BAZ1A: variants seen among roughly 807,000 people sequenced by gnomAD.
The protein encoded by BAZ1A is bromodomain adjacent to zinc finger domain 1A.
A neutral mutation model predicts 185.2 loss-of-function variants in BAZ1A; 50 were observed. The ratio of observed to expected loss-of-function variants is 0.27; its 90% CI spans 0.22 to 0.34. The LOEUF (loss-of-function observed/expected upper bound fraction) is 0.34. Among genes scored for constraint, BAZ1A ranks in the 10% least tolerant of loss-of-function variants. The pLI, the probability that BAZ1A is intolerant of heterozygous loss-of-function variation, is 1.00. For missense variants in BAZ1A, 1,356 were observed against 1,839.9 expected, an observed-to-expected ratio of 0.74 and a Z score of 4.81; for synonymous variants, 571 against 615.6, an observed-to-expected ratio of 0.93 and a Z score of 1.07.
chr14:34,831,738 C>G (rs192708520), intron 3 of BAZ1A, among the ~76,000 whole-genome samples: 1 of 152,202 alleles, frequency 6.6e-6, no homozygotes. Context: ...ACTCATTTCC[C>G]CTCACTAAGA....
intron 4 of BAZ1A, 24 bp downstream of exon 4, chr14:34,825,989 T>G: frequency 1.3e-6 from 2 of 1,505,850 alleles, no homozygotes. Context: ...CCAAATAATT[T>G]AAAAATTAAT....
At position 34,775,300 on chromosome 14, in the gene BAZ1A, TTC is replaced by T. The variant is rs139960279; in HGVS notation, c.2833+617_2833+618del. ...GTAACATGCCCCTAAATTTAAGCAA[TTC>T]TTTTTAAAATTTTGATTTAATTTAA... On this transcript the variant is annotated intron_variant, in intron 18 of 26. Transcript: ENST00000360310. Among the ~76,000 whole-genome samples the T allele has an allele frequency of 5.6e-3, 859 of 152,288 alleles. 9 individuals carry two copies. The highest frequency in any genetic ancestry group is 0.02 in the African/African-American group (814 of 41,564).
At chr14:34,784,581 G>A (rs1209296721) in intron 14 of BAZ1A, among the ~76,000 whole-genome samples, 42 of 147,518 alleles carry the variant, frequency 2.8e-4, no homozygotes, top group South Asian at 4.4e-4. Context: ...GCAGTGGCGC[G>A]ATCTCGGCTC....
At chr14:34,847,015 C>T (rs1222679652) in intron 3 of BAZ1A, among the ~76,000 whole-genome samples, 2 of 152,172 alleles carry the variant, frequency 1.3e-5, no homozygotes, top group Admixed American at 1.3e-4. Flanking sequence ...CTTTGGGAGG[C>T]TGAAGTGGGT....
At chr14:34,859,811 A>G (rs918332439) in intron 3 of BAZ1A, among the ~76,000 whole-genome samples, 1 of 152,226 alleles carries the variant, frequency 6.6e-6, no homozygotes, top group Non-Finnish European at 1.5e-5. Flanking sequence ...CCTTAAGGAT[A>G]TATTAGTAAA....
chr14:34,864,766 A>G (rs1468968843), intron 2 of BAZ1A, among the ~76,000 whole-genome samples: 2 of 141,478 alleles, frequency 1.4e-5, no homozygotes, highest in African/African-American at 5.3e-5. Flanking sequence ...CACCGCACAC[A>G]GCGCAATAAA....
chr14:34,770,141 T>C (rs1399164965), intron 21 of BAZ1A, among the ~76,000 whole-genome samples: 1 of 152,174 alleles, frequency 6.6e-6, no homozygotes, highest in Admixed American at 6.6e-5. Context: ...AATAATGAGA[T>C]ATCAAAAAAT....
intron 16 of BAZ1A, among the ~76,000 whole-genome samples, chr14:34,780,569 A>C (rs1879970511): frequency 6.6e-6 from 1 of 152,212 alleles, no homozygotes. Flanking sequence ...GGGATCAAAA[A>C]GGCTGGCTTG....
At chr14:34,773,509 AAAAAAAAAAACCTT>A in intron 20 of BAZ1A, 49 bp downstream of exon 20, 1 of 1,460,616 alleles carries the variant, frequency 6.8e-7, no homozygotes, top group Non-Finnish European at 9.1e-7. Flanking sequence ...AAACCAAAAA[AAAAAAAAAAACCTT>A]AAAATGGCAA....
At chr14:34,818,645 A>G (rs961988139) in intron 4 of BAZ1A, among the ~76,000 whole-genome samples, 2 of 152,170 alleles carry the variant, frequency 1.3e-5, no homozygotes, top group South Asian at 2.1e-4. Context: ...TAAATAATTC[A>G]TAAGTTTTAA....
intron 3 of BAZ1A, among the ~76,000 whole-genome samples, chr14:34,857,935 C>T (rs1300759323): frequency 3.3e-5 from 5 of 152,186 alleles, no homozygotes; most frequent in Admixed American, 6.5e-5. Flanking sequence ...TCACTCTCTA[C>T]CATACCACTG....
intron 12 of BAZ1A, among the ~76,000 whole-genome samples, chr14:34,787,363 A>AAAAAAAAATAAAAG: frequency 8.9e-6 from 1 of 112,822 alleles, no homozygotes; most frequent in African/African-American, 3.3e-5. Context: ...AAAAAAAAAA[A>AAAAAAAAATAAAAG]AAAAAGAAAA....
chr14:34,850,731 G>A (rs1286326379), intron 3 of BAZ1A, among the ~76,000 whole-genome samples: 1 of 152,182 alleles, frequency 6.6e-6, no homozygotes, highest in African/African-American at 2.4e-5. Flanking sequence ...CCACTTCTCT[G>A]TAGCAAGTAT....
chr14:34,764,776 CCTT>C lies in BAZ1A; in HGVS notation c.3704_3706del (p.Glu1235del), dbSNP rs752459093. 93 of 1,609,932 alleles carry C rather than the reference CCTT, an allele frequency of 5.8e-5. No homozygotes were observed. The highest frequency in any genetic ancestry group is 2.0e-4 in the African/African-American group (15 of 74,930). Reference sequence around the variant, plus strand: ...CTCATACTCTTCCTCCTCACTTTGACCTTCTTCTTCATCGCCATCAACTTCATC... The same window carrying C: ...CTCATACTCTTCCTCCTCACTTTGACCTTCTTCATCGCCATCAACTTCATC... On this transcript the variant is annotated inframe_deletion, in exon 23 of 27. Coordinates refer to ENST00000360310, the MANE Select transcript of BAZ1A (RefSeq NM_013448.3).
intron 3 of BAZ1A, among the ~76,000 whole-genome samples, chr14:34,861,687 G>A (rs1200414): frequency 0.54 from 82,692 of 152,022 alleles, 23,579 homozygotes; most frequent in Non-Finnish European, 0.65. Flanking sequence ...TAAAGAGAAG[G>A]AAGGTGGCTT....
rs796421959 is a variant in BAZ1A, at chr14:34,832,215, CAT to C, written c.393-6061_393-6060del. On this transcript the variant is annotated intron_variant, in intron 3 of 26. Coordinates refer to ENST00000360310, the MANE Select transcript of BAZ1A (RefSeq NM_013448.3). The stretch of plus-strand genomic sequence containing the variant: ...ATACACACACACACACACACACACA[CAT>C]ATATATATATATATGTATGTATGTA... Among the ~76,000 whole-genome samples, 851 of 89,666 alleles carry C rather than the reference CAT, an allele frequency of 9.5e-3. 34 individuals carry two copies. Among genetic ancestry groups the C allele is most frequent in the East Asian group, 0.02 (53 of 2,618 alleles). 58.8% of individuals were successfully genotyped at this position (89,666 alleles called of 152,430 possible). A position where few individuals can be genotyped will look rare whatever the true frequency, so the allele number is the denominator to read the frequency against.
intron 3 of BAZ1A, among the ~76,000 whole-genome samples, chr14:34,842,380 G>T (rs1459644976): frequency 6.6e-6 from 1 of 152,086 alleles, no homozygotes; most frequent in Non-Finnish European, 1.5e-5. Context: ...AAAGAAAAAG[G>T]CTTAAACATT....
Position 34,753,684 on chromosome 14 carries a change from CA to C in BAZ1A, c.4494del (p.Ile1498MetfsTer3). ...TCAAAGCAGTTCGAAAACATTAACTCAATGTCATCAATAAACTCAGCTAGAA... is the reference window on the plus strand; with the variant it reads ...TCAAAGCAGTTCGAAAACATTAACTCATGTCATCAATAAACTCAGCTAGAA... The part of the protein sequence containing the change: ...YKLASEFIDD[I>X]ELMFSNCFEY... On this transcript the variant is annotated frameshift_variant, in exon 27 of 27. Transcript: ENST00000360310. LOFTEE classifies it high-confidence loss of function. The C allele has an allele frequency of 6.3e-7, 1 of 1,588,730 alleles. No homozygotes were observed.
chr14:34,765,447 G>A (rs994884856), intron 21 of BAZ1A, among the ~76,000 whole-genome samples, 179 bp from the exon 22 acceptor site: 6 of 152,144 alleles, frequency 3.9e-5, no homozygotes, highest in Non-Finnish European at 5.9e-5. Context: ...TTGCTGAGCC[G>A]CATCTCGTTT....
Sources: allele counts gnomAD v4.1 joint callset (sites outside exome capture counted in the v4.1 genomes callset), GRCh38; gene constraint gnomAD v4.1.1; transcripts MANE v1.5; gene names NCBI Gene and HGNC (gene_info 2026-07-23, HGNC 2026-07-21).